Variants in TLCD3A observed in about 807,000 individuals in gnomAD.
TLCD3A encodes the protein TLC domain-containing protein 3A.
In TLCD3A, 17 loss-of-function variants were observed where a neutral mutation model predicts 29.9. That is an observed-to-expected ratio of 0.57 (90% confidence interval 0.39 to 0.85). TLCD3A has a LOEUF of 0.85. TLCD3A is among the 40% of genes least tolerant of loss of function. TLCD3A has a pLI of 0.00. For synonymous variants in TLCD3A, 143 were observed against 147.7 expected, an observed-to-expected ratio of 0.97 and a Z score of 0.23; for missense variants, 332 against 350.8, an observed-to-expected ratio of 0.95 and a Z score of 0.43.
chr17:732,868 G>C (rs1364288226), intron 1 of TLCD3A, 99 bp downstream of exon 1: 17 of 1,368,290 alleles, frequency 1.2e-5, no homozygotes, highest in Non-Finnish European at 1.5e-5. Context: ...GCGGCAGGAA[G>C]CCCGGGGGCT....
In TLCD3A at chr17:739,568, G is replaced by A. The variant is rs898689254; in HGVS notation, c.409-937G>A. Among the ~76,000 whole-genome samples the A allele has an allele frequency of 2.6e-5, 4 of 151,890 alleles. No individual in the cohort carries two copies. The South Asian group carries it at 8.3e-4, about 32-fold the overall frequency. Reference sequence around the variant, plus strand: ...GCCCAGGCTGATCTTGAACTCCTGGGCTCAAGGGATCCTCCCGTCTCAGCC... The same window carrying A: ...GCCCAGGCTGATCTTGAACTCCTGGACTCAAGGGATCCTCCCGTCTCAGCC... On this transcript the variant is annotated intron_variant, in intron 3 of 4. Transcript: ENST00000308278.
At chr17:734,760 A>G (rs1349165893) in intron 2 of TLCD3A, among the ~76,000 whole-genome samples, 1 of 152,236 alleles carries the variant, frequency 6.6e-6, no homozygotes, top group Middle Eastern at 3.2e-3. Context: ...TATGGGGCCA[A>G]GGATTTAGTC....
At chr17:741,198 A>C in intron 4 of TLCD3A, 103 bp from the exon 5 acceptor site, 1 of 1,189,412 alleles carries the variant, frequency 8.4e-7, no homozygotes, top group Non-Finnish European at 1.2e-6. Flanking sequence ...CTTGATGAGC[A>C]CCTGCACCTG....
rs756574568 is a variant in TLCD3A, at chr17:733,140, G to A, written c.165G>A (p.Gly55=). The change falls in exon 2 of 5, where the codon GGG becomes GGA. Residue 55 remains glycine (G), a synonymous_variant. Transcript: ENST00000308278. ...ACGCCGTGCTGGCCACCGGCTCGGG[G>A]ATCGTCATCATTCGCTCCTGCGACG... The part of the protein sequence containing the change: ...SVHAVLATGS[G]IVIIRSCDDV... 54 of 1,587,882 alleles carry A rather than the reference G, an allele frequency of 3.4e-5. No individual in the cohort carries two copies. The highest frequency in any genetic ancestry group is 1.0e-5 in the Non-Finnish European group (12 of 1,168,858).
chr17:735,929 C>T (rs1032948192), intron 2 of TLCD3A, among the ~76,000 whole-genome samples: 1 of 148,592 alleles, frequency 6.7e-6, no homozygotes, highest in South Asian at 2.1e-4. Flanking sequence ...GAGCTGAGAT[C>T]GCGCCACTAC....
In TLCD3A at chr17:737,305, C is replaced by T. The variant is rs540890617; in HGVS notation, c.207-541C>T. Among the ~76,000 whole-genome samples the T allele has an allele frequency of 5.3e-5, 8 of 152,328 alleles. No homozygotes were observed. In the East Asian group the frequency reaches 1.5e-3, roughly 29 times the overall value. On this transcript the variant is annotated intron_variant, in intron 2 of 4. Transcript: ENST00000308278. ...GAGATTACAGGTGTGAGCCACCGAA[C>T]CCGGCCAGCTCTAGAATTGTAAAGA...
intron 4 of TLCD3A, among the ~76,000 whole-genome samples, chr17:740,852 TG>T (rs1418119607): frequency 1.3e-5 from 2 of 151,866 alleles, no homozygotes; most frequent in African/African-American, 4.8e-5. Context: ...ATGGTGGGTG[TG>T]GAGAAATCCC....
At chr17:736,253 G>A (rs1974152492) in intron 2 of TLCD3A, among the ~76,000 whole-genome samples, 1 of 152,148 alleles carries the variant, frequency 6.6e-6, no homozygotes, top group Admixed American at 6.5e-5. Context: ...CTGGGGACTG[G>A]AGCGCTTAAC....
Position 741,622 on chromosome 17 carries a change from C to A in TLCD3A, c.*52C>A. ...CACACCAGCTGCCTCCTCCACTCAG[C>A]ATTCCATGGACCAAATTGTGCCCTG... On this transcript the variant is annotated 3_prime_UTR_variant, in exon 5 of 5. Transcript: ENST00000308278. The A allele has an allele frequency of 6.3e-7, 1 of 1,590,536 alleles. No individual in the cohort carries two copies. The highest frequency in any genetic ancestry group is 1.1e-5 in the South Asian group (1 of 89,324).
chr17:732,914 G>T lies in TLCD3A; in HGVS notation c.122+145G>T, dbSNP rs770305185. On this transcript the variant is annotated intron_variant, in intron 1 of 4. Coordinates refer to ENST00000308278, the MANE Select transcript of TLCD3A (RefSeq NM_024792.3). ...CGTCCCGGCGGCCCGAGTTTCCGAAGCCCCTCCGCGTCCTCCCCTGGCGGG... is the reference window on the plus strand; with the variant it reads ...CGTCCCGGCGGCCCGAGTTTCCGAATCCCCTCCGCGTCCTCCCCTGGCGGG... 1.5e-5 allele frequency: 21 copies of T among 1,361,448 alleles called. No homozygotes were observed. The South Asian group carries it at 3.1e-4, about 20-fold the overall frequency. The allele number at this position is 1,361,448 out of a possible 1,614,324, so 84.3% of individuals were successfully genotyped here.
chr17:738,452 C>G (rs1273926196), intron 3 of TLCD3A, among the ~76,000 whole-genome samples: 2 of 151,968 alleles, frequency 1.3e-5, no homozygotes, highest in Non-Finnish European at 1.5e-5. Flanking sequence ...TTTTCTTTGC[C>G]ACTCATAGGC....
At chr17:740,940 A>G (rs1490619912) in intron 4 of TLCD3A, among the ~76,000 whole-genome samples, 2 of 152,144 alleles carry the variant, frequency 1.3e-5, no homozygotes, top group African/African-American at 4.8e-5. Flanking sequence ...GTGGGGGTGA[A>G]ATTGTAGGTT....
At position 742,692 on chromosome 17, in the gene TLCD3A, G is replaced by C. The variant is rs887968104; in HGVS notation, c.*1122G>C. ...CCCCTTCTGCAAGCAGGATTTTCTGGTGCCAACACTCATTCATCATTCCCG... is the reference window on the plus strand; with the variant it reads ...CCCCTTCTGCAAGCAGGATTTTCTGCTGCCAACACTCATTCATCATTCCCG... On this transcript the variant is annotated 3_prime_UTR_variant, in exon 5 of 5. Transcript: ENST00000308278. 1 of 152,552 alleles carries C rather than the reference G, an allele frequency of 6.6e-6. No individual in the cohort carries two copies. The highest frequency in any genetic ancestry group is 2.4e-5 in the African/African-American group (1 of 41,452). The allele number at this position is 152,552 out of a possible 1,614,324, so 9.4% of individuals were successfully genotyped here. A position where few individuals can be genotyped will look rare whatever the true frequency, so the allele number is the denominator to read the frequency against.
In TLCD3A at chr17:733,182, G is replaced by GT. The variant is rs1418800707; in HGVS notation, c.206+2dup. 6.4e-7 allele frequency: 1 copy of GT among 1,552,666 alleles called. No homozygotes were observed. Among genetic ancestry groups the GT allele is most frequent in the Non-Finnish European group, 8.7e-7 (1 of 1,150,426 alleles). ...CCTGCGACGACGTGATCACCGGCAG[G>GT]TAAGAGCCCGGGCCGGGGCCTTGTT... On this transcript the variant is annotated splice_donor_variant, in intron 2 of 4. Coordinates refer to ENST00000308278, the MANE Select transcript of TLCD3A (RefSeq NM_024792.3). LOFTEE classifies it high-confidence loss of function.
chr17:741,053 G>A (rs1220485423), intron 4 of TLCD3A, among the ~76,000 whole-genome samples: 2 of 152,140 alleles, frequency 1.3e-5, no homozygotes, highest in African/African-American at 4.8e-5. Flanking sequence ...GGGTGGCCTG[G>A]GTCAAATTCA....
intron 2 of TLCD3A, among the ~76,000 whole-genome samples, chr17:734,740 C>T (rs970785643): frequency 1.3e-5 from 2 of 152,148 alleles, no homozygotes; most frequent in Non-Finnish European, 2.9e-5. Flanking sequence ...AAATTATAGG[C>T]AGAAGGTGGT....
chr17:733,559 G>A (rs1974109800), intron 2 of TLCD3A, among the ~76,000 whole-genome samples: 1 of 152,168 alleles, frequency 6.6e-6, no homozygotes, highest in South Asian at 2.1e-4. Flanking sequence ...CCCCTCCATG[G>A]AAAGGAACCA....
At chr17:735,029 T>G (rs1004908041) in intron 2 of TLCD3A, among the ~76,000 whole-genome samples, 1 of 151,826 alleles carries the variant, frequency 6.6e-6, no homozygotes, top group Non-Finnish European at 1.5e-5. Flanking sequence ...CCCCGCCGCC[T>G]TTCTTTTTAT....
intron 2 of TLCD3A, among the ~76,000 whole-genome samples, chr17:734,325 T>C (rs1974122145): frequency 7.0e-6 from 1 of 142,254 alleles, no homozygotes. Context: ...AGCAAATTTT[T>C]TACTTTTTTT....
Sources: allele counts gnomAD v4.1 joint callset (sites outside exome capture counted in the v4.1 genomes callset), GRCh38; gene constraint gnomAD v4.1.1; transcripts MANE v1.5; gene names NCBI Gene and HGNC (gene_info 2026-07-23, HGNC 2026-07-21).